Variants in SNX25 observed in about 807,000 individuals in gnomAD.
SNX25 encodes the protein sorting nexin 25, also known as sorting nexin-25.
In SNX25, 62 loss-of-function variants were observed where a neutral mutation model predicts 113.7. The ratio of observed to expected loss-of-function variants is 0.55; its 90% confidence interval spans 0.44 to 0.67. The LOEUF (loss-of-function observed/expected upper bound fraction) is 0.67, where lower values mean the gene tolerates loss of function less well. Ranked by LOEUF, SNX25 falls within the 30% of genes least tolerant of loss-of-function variation. The pLI is 0.00. For missense variants in SNX25, 1,014 were observed against 1,161.0 expected (o/e 0.87, Z 1.84); for synonymous variants, 421 against 436.2 (o/e 0.97, Z 0.43).
At chr4:185,313,138 A>G (rs1259824635) in intron 7 of SNX25, among the ~76,000 whole-genome samples, 1 of 152,226 alleles carries the variant, frequency 6.6e-6, no homozygotes, top group Non-Finnish European at 1.5e-5. Context: ...AGAAAGATTC[A>G]GAGTGAATTT....
chr4:185,268,413 T>A (rs2126552780), intron 5 of SNX25, among the ~76,000 whole-genome samples: 1 of 152,340 alleles, frequency 6.6e-6, no homozygotes, highest in South Asian at 2.1e-4. Context: ...TGTGTATTTT[T>A]GTGTATTTTT....
At chr4:185,275,609 C>T (rs1749567917) in intron 5 of SNX25, among the ~76,000 whole-genome samples, 1 of 152,238 alleles carries the variant, frequency 6.6e-6, no homozygotes, top group Admixed American at 6.5e-5. Flanking sequence ...CTTAAAATAG[C>T]ATGCTTCTTT....
intron 5 of SNX25, among the ~76,000 whole-genome samples, chr4:185,276,783 C>T (rs938248772): frequency 1.3e-5 from 2 of 152,220 alleles, no homozygotes; most frequent in African/African-American, 4.8e-5. Flanking sequence ...CGCCCTGTCT[C>T]CCTGGCAGGT....
rs1259565969 is a variant in SNX25, at chr4:185,274,063, CT to C, written c.1091+6923del. Among the ~76,000 whole-genome samples, 488 of 138,828 alleles carry C rather than the reference CT, an allele frequency of 3.5e-3. 1 individual carries two copies. The highest frequency in any genetic ancestry group is 3.4e-3 in the Admixed American group (47 of 13,792). 91.1% of individuals were successfully genotyped at this position (138,828 alleles called of 152,430 possible). ...AAAAGATGACAAGGTTATACACGGG[CT>C]TTTTTTTTTTTTTTGAGATGGAGTC... On this transcript the variant is annotated intron_variant, in intron 5 of 18. Coordinates refer to ENST00000652585, the MANE Select transcript of SNX25 (RefSeq NM_001378034.2).
chr4:185,283,675 G>T (rs1223733473), intron 5 of SNX25, among the ~76,000 whole-genome samples: 2 of 152,174 alleles, frequency 1.3e-5, no homozygotes, highest in Non-Finnish European at 2.9e-5. Flanking sequence ...GCCCTAGATT[G>T]TCATTCTGTC....
chr4:185,310,560 T>C, intron 6 of SNX25, 75 bp from the exon 7 acceptor site: 2 of 1,383,892 alleles, frequency 1.4e-6, no homozygotes, highest in Non-Finnish European at 9.8e-7. Context: ...CAGCAGACAC[T>C]GATCTGGTTC....
chr4:185,239,465 G>A (rs569055105), intron 1 of SNX25, among the ~76,000 whole-genome samples: 58 of 151,282 alleles, frequency 3.8e-4, no homozygotes, highest in African/African-American at 1.4e-3. Context: ...CCTGGCAACA[G>A]AGTGAGACTC....
At chr4:185,215,394 A>G (rs1481372989) in intron 1 of SNX25, among the ~76,000 whole-genome samples, 1 of 152,212 alleles carries the variant, frequency 6.6e-6, no homozygotes, top group African/African-American at 2.4e-5. Context: ...TTAGAGACAG[A>G]CAGTAAACAC....
chr4:185,261,930 T>C (rs1747390882), intron 3 of SNX25, among the ~76,000 whole-genome samples: 2 of 152,228 alleles, frequency 1.3e-5, no homozygotes, highest in African/African-American at 4.8e-5. Context: ...AGAACTAATA[T>C]TGTCTAATAT....
rs140409678 is a variant in SNX25 at position 185,339,286 on chromosome 4, G to A, written c.1915-93G>A. ...ACTGTTAGTGTATCGAAACACAGCT[G>A]ATTATTGTGTGTTGACTTTGAATCC... On this transcript the variant is annotated intron_variant, in intron 10 of 18. Transcript: ENST00000652585. 3.6e-4 allele frequency: 431 copies of A among 1,207,980 alleles called. 1 individual carries two copies. The African/African-American group carries it at 5.9e-3, about 16-fold the overall frequency. The allele number at this position is 1,207,980 out of a possible 1,614,324, so 74.8% of individuals were successfully genotyped here.
intron 9 of SNX25, among the ~76,000 whole-genome samples, chr4:185,327,357 G>A (rs567909607): frequency 6.6e-6 from 1 of 152,124 alleles, no homozygotes; most frequent in African/African-American, 2.4e-5. Context: ...AAAGCATTCA[G>A]GAGGCTTAAT....
At chr4:185,346,480 T>A in intron 12 of SNX25, 57 bp from the exon 13 acceptor site, 8 of 1,168,748 alleles carry the variant, frequency 6.8e-6, no homozygotes, top group Non-Finnish European at 8.7e-6. Context: ...TTCTAAATCT[T>A]TTTTAAGATT....
chr4:185,239,311 G>C (rs185992844), intron 1 of SNX25, among the ~76,000 whole-genome samples: 1 of 151,780 alleles, frequency 6.6e-6, no homozygotes, highest in Admixed American at 6.6e-5. Flanking sequence ...GTGAAACTCC[G>C]TCTCTACTAA....
chr4:185,314,932 A>G (rs998826185), intron 7 of SNX25, among the ~76,000 whole-genome samples: 9 of 148,354 alleles, frequency 6.1e-5, no homozygotes, highest in African/African-American at 1.7e-4. Flanking sequence ...TATAATAATA[A>G]TCTAAAACCT....
At position 185,332,705 on chromosome 4, in the gene SNX25, A is replaced by C. The variant is rs768951007; in HGVS notation, c.1860A>C (p.Glu620Asp). ...NKLRELNEKLEYKRQALNSIQ... is the reference protein window; with the variant it reads ...NKLRELNEKLDYKRQALNSIQ... Reference sequence around the variant, plus strand: ...TGCGAGAACTAAATGAGAAACTTGAATATAAAAGGCAAGCTCTAAATTCTA... The same window carrying C: ...TGCGAGAACTAAATGAGAAACTTGACTATAAAAGGCAAGCTCTAAATTCTA... The change falls in exon 10 of 19, where the codon GAA (glutamate) becomes GAC (aspartate). Residue 620 changes from glutamate to aspartate, a missense_variant. Glu to Asp is a conservative substitution (Grantham distance 45). Coordinates refer to ENST00000652585, the MANE Select transcript of SNX25 (RefSeq NM_001378034.2). 1 of 1,614,120 alleles carries C rather than the reference A, an allele frequency of 6.2e-7. No individual in the cohort carries two copies. Among genetic ancestry groups the C allele is most frequent in the Non-Finnish European group, 8.5e-7 (1 of 1,179,990 alleles).
intron 12 of SNX25, among the ~76,000 whole-genome samples, chr4:185,342,513 GATTCTATCACATATACA>G (rs1202658077): frequency 5.3e-5 from 8 of 151,282 alleles, no homozygotes; most frequent in African/African-American, 1.9e-4. Flanking sequence ...GTGCTTGGAG[GATTCTATCACATATACA>G]AGGGAGGCAG....
intron 14 of SNX25, among the ~76,000 whole-genome samples, chr4:185,352,657 G>A (rs77343457): frequency 0.054 from 8,211 of 152,204 alleles, 632 homozygotes; most frequent in African/African-American, 0.17. Context: ...CTTTTGAGGC[G>A]TTTGCTGTTG....
chr4:185,354,717 G>C (rs780997255), intron 15 of SNX25, among the ~76,000 whole-genome samples: 2 of 152,236 alleles, frequency 1.3e-5, no homozygotes, highest in Non-Finnish European at 2.9e-5. Flanking sequence ...CCATGGCTTA[G>C]TGTTGAGCGT....
intron 1 of SNX25, among the ~76,000 whole-genome samples, chr4:185,227,203 C>T (rs190317195): frequency 1.6e-4 from 24 of 152,344 alleles, no homozygotes; most frequent in Non-Finnish European, 3.2e-4. Flanking sequence ...GGCAGGTGCC[C>T]GTTTGTTACC....
Sources: allele counts gnomAD v4.1 joint callset (sites outside exome capture counted in the v4.1 genomes callset), GRCh38; gene constraint gnomAD v4.1.1; transcripts MANE v1.5; gene names NCBI Gene and HGNC (gene_info 2026-07-23, HGNC 2026-07-21).